The following NALCN variants were observed in gnomAD, a reference collection of about 807,000 sequenced individuals.
NALCN encodes sodium leak channel, non-selective.
A neutral mutation model predicts 225.3 loss-of-function variants in NALCN; 111 were observed. That is an observed-to-expected ratio of 0.49 (90% CI 0.42 to 0.58). The LOEUF (loss-of-function observed/expected upper bound fraction) is 0.58, where lower values mean the gene tolerates loss of function less well. Ranked by LOEUF, NALCN falls within the 20% of genes least tolerant of loss-of-function variation. The pLI is 0.00. For missense variants in NALCN, 1,378 were observed against 2,202.4 expected (o/e 0.63, Z 7.49); for synonymous variants, 764 against 769.0 (o/e 0.99, Z 0.11).
Position 101,104,230 on chromosome 13 carries a change from C to G in NALCN, c.2889+65G>C, listed in dbSNP as rs1308377471. On this transcript the variant is annotated intron_variant, in intron 25 of 43. Coordinates refer to ENST00000251127, the MANE Select transcript of NALCN (RefSeq NM_052867.4). This position sits in a 1 kb window ranked among gnomAD's most constrained non-coding sequence, Gnocchi z 4.2. ...TAACTCATACCTCTTGCGCTTATAC[C>G]AAGAAATGCAGGAGATTTTACAAAA... 3.3e-6 allele frequency: 5 copies of G among 1,537,330 alleles called. No individual in the cohort carries two copies. Among genetic ancestry groups the G allele is most frequent in the African/African-American group, 1.4e-5 (1 of 72,164 alleles).
chr13:101,170,160 A>G (rs551188235), intron 15 of NALCN, among the ~76,000 whole-genome samples: 1 of 152,334 alleles, frequency 6.6e-6, no homozygotes, highest in East Asian at 1.9e-4. Context: ...TATTTATTTT[A>G]AGGTATTGGC....
intron 3 of NALCN, among the ~76,000 whole-genome samples, chr13:101,394,472 C>T (rs1019960365): frequency 9.9e-5 from 15 of 152,142 alleles, no homozygotes; most frequent in Admixed American, 6.5e-5. Flanking sequence ...ATCTGCACTC[C>T]TATTACTGCT....
intron 13 of NALCN, among the ~76,000 whole-genome samples, chr13:101,198,798 C>T (rs931247215): frequency 1.3e-5 from 2 of 152,196 alleles, no homozygotes; most frequent in Non-Finnish European, 2.9e-5. Context: ...TGGGTATATA[C>T]TCACAGGATT....
In NALCN at chr13:101,104,517, C is replaced by A. The variant is rs184131231; in HGVS notation, c.2757+13G>T. 6 of 1,613,758 alleles carry A rather than the reference C, an allele frequency of 3.7e-6. No homozygotes were observed. The African/African-American group carries it at 6.7e-5, about 18-fold the overall frequency. On this transcript the variant is annotated intron_variant, in intron 24 of 43. Coordinates refer to ENST00000251127, the MANE Select transcript of NALCN (RefSeq NM_052867.4). This position sits in a 1 kb window ranked among gnomAD's most constrained non-coding sequence, Gnocchi z 4.2. ...CTAGTTGTAAGCTGAGATTTTGCAG[C>A]GGTAAGCGGTACCTGCAAAGTAGGT...
rs1252542530 is a variant in NALCN at position 101,103,441 on chromosome 13, C to G, written c.2890-102G>C. ...CACAACTTTTCATTTAGCAGAGATT[C>G]CACTCACTGGTTGTACGTGCCATCT... is the stretch of plus-strand genomic sequence containing the variant. On this transcript the variant is annotated intron_variant, in intron 25 of 43. Transcript: ENST00000251127. 10 of 1,345,448 alleles carry G rather than the reference C, an allele frequency of 7.4e-6. No individual in the cohort carries two copies. The East Asian group carries it at 1.9e-4, about 26-fold the overall frequency. The allele number at this position is 1,345,448 out of a possible 1,614,324, so 83.3% of individuals were successfully genotyped here.
chr13:101,078,744 G>A (rs780169778), intron 34 of NALCN, among the ~76,000 whole-genome samples: 5 of 152,106 alleles, frequency 3.3e-5, no homozygotes, highest in Non-Finnish European at 5.9e-5. Flanking sequence ...TAAGACTTTC[G>A]GGGACTGTTG....
intron 11 of NALCN, among the ~76,000 whole-genome samples, chr13:101,252,708 TA>T: frequency 6.6e-6 from 1 of 152,126 alleles, no homozygotes; most frequent in Non-Finnish European, 1.5e-5. Context: ...CATTAATACT[TA>T]ACACCAGGAG....
At chr13:101,388,613 T>C (rs1390712576) in intron 3 of NALCN, among the ~76,000 whole-genome samples, 3 of 152,214 alleles carry the variant, frequency 2.0e-5, no homozygotes, top group Admixed American at 2.0e-4. Context: ...CACTGCTCTG[T>C]TCACTTGGAA....
At chr13:101,397,067 TA>T (rs200899141) in intron 2 of NALCN, among the ~76,000 whole-genome samples, 20,833 of 44,168 alleles carry the variant, frequency 0.47, 2,903 homozygotes, top group East Asian at 0.59. Flanking sequence ...ATGAATGTAT[TA>T]TATATATATA....
intron 7 of NALCN, among the ~76,000 whole-genome samples, chr13:101,293,927 G>A (rs957702231): frequency 1.3e-5 from 2 of 152,092 alleles, no homozygotes; most frequent in Non-Finnish European, 2.9e-5. Flanking sequence ...CATACAGCTG[G>A]TATTTGTAAA....
intron 7 of NALCN, among the ~76,000 whole-genome samples, chr13:101,307,236 A>T (rs1212570673): frequency 6.6e-6 from 1 of 152,194 alleles, no homozygotes; most frequent in Non-Finnish European, 1.5e-5. Flanking sequence ...TCTGGGCCCC[A>T]TTAGACAGCT....
rs145794876 is a variant in NALCN, at chr13:101,187,003, T to C, written c.1764+4914A>G. On this transcript the variant is annotated intron_variant, in intron 14 of 43. Transcript: ENST00000251127. Reference sequence around the variant, plus strand: ...TTGACCTAATTTGATCATTCCACAATGTATGCATGTATCAAAACATCACGT... The same window carrying C: ...TTGACCTAATTTGATCATTCCACAACGTATGCATGTATCAAAACATCACGT... Among the ~76,000 whole-genome samples the C allele has an allele frequency of 1.0e-3, 158 of 152,242 alleles. 1 individual carries two copies. Among genetic ancestry groups the C allele is most frequent in the Middle Eastern group, 0.01 (3 of 294 alleles).
intron 2 of NALCN, among the ~76,000 whole-genome samples, chr13:101,397,066 T>TCATATATATATATATATATA (rs1555346458): frequency 1.8e-5 from 1 of 56,400 alleles, no homozygotes; most frequent in Non-Finnish European, 3.5e-5. Context: ...TATGAATGTA[T>TCATATATATATATATATATA]TATATATATA....
chr13:101,307,803 T>C (rs1307606782), intron 7 of NALCN, among the ~76,000 whole-genome samples: 1 of 152,176 alleles, frequency 6.6e-6, no homozygotes, highest in African/African-American at 2.4e-5. Flanking sequence ...CCTCAAATGA[T>C]TGTCCAACAA....
intron 42 of NALCN, among the ~76,000 whole-genome samples, chr13:101,059,513 T>G (rs2031656422): frequency 6.6e-6 from 1 of 152,178 alleles, no homozygotes; most frequent in Non-Finnish European, 1.5e-5. Flanking sequence ...CCCTTAGAGC[T>G]GATGTTAACT....
At chr13:101,268,596 T>C (rs1005048400) in intron 10 of NALCN, among the ~76,000 whole-genome samples, 1 of 152,200 alleles carries the variant, frequency 6.6e-6, no homozygotes, top group Non-Finnish European at 1.5e-5. Flanking sequence ...CATAATGCCA[T>C]GGCAGTCACA....
At chr13:101,168,603 C>T (rs1037120044) in intron 15 of NALCN, among the ~76,000 whole-genome samples, 1 of 152,156 alleles carries the variant, frequency 6.6e-6, no homozygotes, top group African/African-American at 2.4e-5. Flanking sequence ...ATTCCTATTT[C>T]CTTTGGTTCA....
At chr13:101,131,107 C>T (rs2036495759) in intron 17 of NALCN, among the ~76,000 whole-genome samples, 1 of 152,014 alleles carries the variant, frequency 6.6e-6, no homozygotes, top group Admixed American at 6.6e-5. Context: ...TATGTTCCTT[C>T]TCGTTTAGTT....
At chr13:101,314,227 G>T (rs1171400831) in intron 7 of NALCN, among the ~76,000 whole-genome samples, 2 of 150,946 alleles carry the variant, frequency 1.3e-5, no homozygotes, top group Admixed American at 6.6e-5. Context: ...CGAGTTAATG[G>T]GTGCAGCACA....
Sources: allele counts gnomAD v4.1 joint callset (sites outside exome capture counted in the v4.1 genomes callset), GRCh38; gene constraint gnomAD v4.1.1; non-coding constraint Gnocchi (gnomAD v3.1); transcripts MANE v1.5; gene names NCBI Gene and HGNC (gene_info 2026-07-23, HGNC 2026-07-21).